Variants in ERG observed in about 807,000 individuals in gnomAD.
ERG encodes the protein transcriptional regulator ERG.
A neutral mutation model predicts 55.3 loss-of-function variants in ERG; 9 were observed. That is an observed-to-expected ratio of 0.16 (90% CI 0.10 to 0.28). ERG has a LOEUF of 0.28. ERG is among the 10% of genes least tolerant of loss of function. The pLI, the probability that ERG is intolerant of heterozygous loss-of-function variation, is 1.00. For synonymous variants in ERG, 223 were observed against 237.3 expected, an observed-to-expected ratio of 0.94 and a Z score of 0.55; for missense variants, 434 against 631.6, an observed-to-expected ratio of 0.69 and a Z score of 3.35.
chr21:38,519,132 T>C (rs1177543361), intron 2 of ERG, among the ~76,000 whole-genome samples: 1 of 152,312 alleles, frequency 6.6e-6, no homozygotes, highest in East Asian at 1.9e-4. Flanking sequence ...ACTAACAATG[T>C]TGGTGAAGAT....
intron 2 of ERG, among the ~76,000 whole-genome samples, chr21:38,428,095 A>G (rs1355279679): frequency 1.3e-5 from 2 of 151,484 alleles, no homozygotes; most frequent in Non-Finnish European, 2.9e-5. Context: ...TGGGAGGATC[A>G]CCTGAGCCTG....
At position 38,404,929 on chromosome 21, in the gene ERG, G is replaced by A. The variant is rs146646357; in HGVS notation, c.389-1220C>T. ...ATTTTTAGGTTTGCAGAGGTAAACC[G>A]TAATAATAGTGAGAAACAGCCAGCC... On this transcript the variant is annotated intron_variant, in intron 3 of 9. Coordinates refer to ENST00000288319, the MANE Select transcript of ERG (RefSeq NM_182918.4). 1.6e-3 allele frequency among the ~76,000 whole-genome samples: 244 copies of A among 152,258 alleles called. 1 individual carries two copies. The highest frequency in any genetic ancestry group is 5.2e-3 in the African/African-American group (216 of 41,518).
chr21:38,455,915 A>C (rs2058984964), intron 1 of ERG, among the ~76,000 whole-genome samples: 1 of 148,656 alleles, frequency 6.7e-6, no homozygotes, highest in African/African-American at 2.5e-5. Context: ...TTCAACATGC[A>C]CGTGCCAGGA....
At chr21:38,639,826 G>A (rs2060412719) in intron 1 of ERG, among the ~76,000 whole-genome samples, 1 of 152,166 alleles carries the variant, frequency 6.6e-6, no homozygotes, top group South Asian at 2.1e-4. Context: ...CCATCAATGT[G>A]AAGAACTACA....
In ERG at chr21:38,456,826, T is replaced by C. The variant is rs140835989; in HGVS notation, c.19-11205A>G. Among the ~76,000 whole-genome samples the C allele has an allele frequency of 1.6e-4, 25 of 152,312 alleles. No homozygotes were observed. The East Asian group carries it at 4.1e-3, about 25-fold the overall frequency. ...ATTTTTCCAGCACATAAATATATCC[T>C]GGTTGCTGCATGGAAAGGGGACTAA... is the stretch of plus-strand genomic sequence containing the variant. On this transcript the variant is annotated intron_variant, in intron 1 of 9. Coordinates refer to ENST00000288319, the MANE Select transcript of ERG (RefSeq NM_182918.4).
chr21:38,562,975 C>T (rs77165221), intron 2 of ERG, among the ~76,000 whole-genome samples: 3,737 of 152,080 alleles, frequency 0.025, 154 homozygotes, highest in African/African-American at 0.085. Flanking sequence ...CATGAAAAGA[C>T]GAGGAGGAAG....
At position 38,606,065 on chromosome 21, in the gene ERG, T is replaced by TAG. The variant is rs146994753; in HGVS notation, c.-149-21122_-149-21121dup. Among the ~76,000 whole-genome samples the TAG allele has an allele frequency of 3.4e-3, 518 of 151,730 alleles. 5 individuals carry two copies. Among genetic ancestry groups the TAG allele is most frequent in the African/African-American group, 0.012 (489 of 41,378 alleles). ...TAAATGATAAATGATTGATAAATGA[T>TAG]AGAGAGAGAGATGATAGCTAGGTAG... On this transcript the variant is annotated intron_variant, in intron 1 of 10. Transcript: ENST00000398910.
At chr21:38,389,539 T>C (rs1052626393) in intron 9 of ERG, among the ~76,000 whole-genome samples, 4 of 151,638 alleles carry the variant, frequency 2.6e-5, no homozygotes, top group Admixed American at 1.3e-4. Flanking sequence ...TCTCAAAACA[T>C]AGTCATTATT....
At chr21:38,374,144 G>A in the ERG span, among the ~76,000 whole-genome samples, 1 of 152,196 alleles carries the variant, frequency 6.6e-6, no homozygotes, top group Non-Finnish European at 1.5e-5. Flanking sequence ...AATGTGTGCA[G>A]CCAATTTTTC....
At chr21:38,519,594 T>G (rs570845212) in intron 2 of ERG, among the ~76,000 whole-genome samples, 2 of 152,272 alleles carry the variant, frequency 1.3e-5, no homozygotes, top group South Asian at 4.1e-4. Flanking sequence ...AGGAGCCCAT[T>G]TGATGTAGTC....
Position 38,408,852 on chromosome 21 carries a change from G to C in ERG, c.389-5143C>G, listed in dbSNP as rs187190232. ...GGACTACAGCATAAGCCCCAGCCGA[G>C]GCATCACCTTTGCCTATGTTTAGGT... On this transcript the variant is annotated intron_variant, in intron 3 of 9. Coordinates refer to ENST00000288319, the MANE Select transcript of ERG (RefSeq NM_182918.4). 8.5e-5 allele frequency among the ~76,000 whole-genome samples: 13 copies of C among 152,282 alleles called. No homozygotes were observed. In the East Asian group the frequency reaches 2.3e-3, roughly 27 times the overall value.
chr21:38,653,312 G>T (rs1277307471), intron 1 of ERG, among the ~76,000 whole-genome samples: 5 of 152,184 alleles, frequency 3.3e-5, no homozygotes, highest in African/African-American at 4.8e-5. Flanking sequence ...ACAGTCTGTA[G>T]CTTCTAGCCT....
chr21:38,372,586 G>A, the ERG span, among the ~76,000 whole-genome samples: 4 of 151,488 alleles, frequency 2.6e-5, no homozygotes, highest in South Asian at 2.1e-4. Flanking sequence ...TTTTTGAAAC[G>A]TTAGTATATT....
chr21:38,375,686 T>A (rs897060407), downstream of ERG, among the ~76,000 whole-genome samples: 1 of 152,198 alleles, frequency 6.6e-6, no homozygotes, highest in African/African-American at 2.4e-5. Flanking sequence ...CAAAACATAG[T>A]GTTCACTCAA....
chr21:38,648,278 C>G (rs1010883054), intron 1 of ERG, among the ~76,000 whole-genome samples: 2 of 152,130 alleles, frequency 1.3e-5, no homozygotes, highest in African/African-American at 4.8e-5. Flanking sequence ...TATTCCCAAC[C>G]TTTTGGAGAA....
intron 1 of ERG, among the ~76,000 whole-genome samples, chr21:38,649,518 C>T (rs963655256): frequency 6.6e-6 from 1 of 152,188 alleles, no homozygotes; most frequent in South Asian, 2.1e-4. Context: ...CCACTTGCCT[C>T]GCACGTTCTC....
intron 1 of ERG, among the ~76,000 whole-genome samples, chr21:38,611,433 A>G (rs1029756152): frequency 2.0e-5 from 3 of 151,286 alleles, no homozygotes; most frequent in African/African-American, 7.3e-5. Flanking sequence ...CTGTGACCTC[A>G]TCTCCACTCC....
intron 1 of ERG, among the ~76,000 whole-genome samples, chr21:38,620,924 T>C (rs1199439382): frequency 2.0e-5 from 3 of 152,258 alleles, no homozygotes; most frequent in African/African-American, 7.2e-5. Flanking sequence ...AGAAGGACCT[T>C]AGACATACTT....
At chr21:38,576,553 C>T (rs2059995810) in intron 1 of ERG, among the ~76,000 whole-genome samples, 2 of 152,148 alleles carry the variant, frequency 1.3e-5, no homozygotes. Flanking sequence ...GAAATAAATA[C>T]TTCATCCAAT....
Sources: allele counts gnomAD v4.1 joint callset (sites outside exome capture counted in the v4.1 genomes callset), GRCh38; gene constraint gnomAD v4.1.1; transcripts MANE v1.5; gene names NCBI Gene and HGNC (gene_info 2026-07-23, HGNC 2026-07-21).